The following RBBP8 variants were observed in gnomAD, a reference collection of about 807,000 sequenced individuals.
RBBP8 encodes the protein RB binding protein 8, endonuclease, also known as DNA endonuclease RBBP8.
In RBBP8, 88 loss-of-function variants were observed where a neutral mutation model predicts 108.3. The observed-to-expected ratio is 0.81, with a 90% CI of 0.68 to 0.97. RBBP8 has a LOEUF of 0.97. Ranked by LOEUF, RBBP8 falls within the 50% of genes least tolerant of loss-of-function variation. The probability of loss-of-function intolerance (pLI) is 0.00; values close to 1 mark genes in which losing one functional copy is unlikely to be tolerated. For missense variants in RBBP8, 1,023 were observed against 1,049.0 expected (o/e 0.98, Z 0.34); for synonymous variants, 332 against 348.2 (o/e 0.95, Z 0.52).
chr18:22,967,276 G>A (rs1913687424), intron 4 of RBBP8, among the ~76,000 whole-genome samples: 1 of 149,906 alleles, frequency 6.7e-6, no homozygotes, highest in Admixed American at 6.7e-5. Flanking sequence ...TGAGGCAGGA[G>A]AATGGTGTGA....
chr18:22,994,284 A>G (rs2045811689), intron 12 of RBBP8, among the ~76,000 whole-genome samples: 1 of 145,632 alleles, frequency 6.9e-6, no homozygotes, highest in Non-Finnish European at 1.5e-5. Flanking sequence ...CGGCCTCCCA[A>G]AGTGCTGGGA....
chr18:22,983,347 C>T (rs1915081039), intron 7 of RBBP8, among the ~76,000 whole-genome samples: 1 of 152,102 alleles, frequency 6.6e-6, no homozygotes, highest in African/African-American at 2.4e-5. Flanking sequence ...AGATCTTATT[C>T]TTAGATGTTG....
At position 22,956,086 on chromosome 18, in the gene RBBP8, C is replaced by T. The variant is rs148783573; in HGVS notation, c.248+6373C>T. Among the ~76,000 whole-genome samples the T allele has an allele frequency of 3.5e-3, 533 of 151,992 alleles. 1 individual carries two copies. The highest frequency in any genetic ancestry group is 0.01 in the Middle Eastern group (3 of 294). On this transcript the variant is annotated intron_variant, in intron 4 of 18. Transcript: ENST00000327155. ...ACATTGCCTATTGTATAGTCTGTTT[C>T]CTTGGAAGGTTTTTTTTTCGTTTTT...
chr18:22,964,544 T>G (rs868608453), intron 4 of RBBP8, among the ~76,000 whole-genome samples: 1 of 151,584 alleles, frequency 6.6e-6, no homozygotes. Context: ...TTATCTAAAT[T>G]TTCTCTTTAC....
rs1568009778 is a variant in RBBP8, at chr18:23,022,603, A to AAAATAAAATAAAATAAAATAAAAT, written c.2596+337_2596+360dup. ...GGCGACAGAACAAGACTCTGTCTCA[A>AAAATAAAATAAAATAAAATAAAAT]AAATAAAATAAAATAAAATAAAATA... On this transcript the variant is annotated intron_variant, in intron 18 of 18. Coordinates refer to ENST00000327155, the MANE Select transcript of RBBP8 (RefSeq NM_002894.3). Among the ~76,000 whole-genome samples the AAAATAAAATAAAATAAAATAAAAT allele has an allele frequency of 1.3e-4, 5 of 39,138 alleles. 1 individual carries two copies. The highest frequency in any genetic ancestry group is 6.2e-4 in the African/African-American group (5 of 8,042). 25.7% of individuals were successfully genotyped at this position (39,138 alleles called of 152,430 possible).
At position 22,995,233 on chromosome 18, in the gene RBBP8, A is replaced by AT. The variant is rs538550635; in HGVS notation, c.1940-1133dup. Among the ~76,000 whole-genome samples, 727 of 150,758 alleles carry AT rather than the reference A, an allele frequency of 4.8e-3. 5 individuals are homozygous for AT. The highest frequency in any genetic ancestry group is 0.017 in the African/African-American group (694 of 40,980). The stretch of plus-strand genomic sequence containing the variant: ...AACATTTTTTTCACTATCATTCATG[A>AT]TTTTTTTTGAGCTTTTTGTTTTTAT... On this transcript the variant is annotated intron_variant, in intron 12 of 18. Coordinates refer to ENST00000327155, the MANE Select transcript of RBBP8 (RefSeq NM_002894.3).
chr18:23,017,355 CAAA>C (rs770526045), intron 17 of RBBP8, among the ~76,000 whole-genome samples: 3 of 90,606 alleles, frequency 3.3e-5, no homozygotes, highest in Middle Eastern at 9.6e-3. Context: ...AACTTGGTCT[CAAA>C]AAAAAAAAAA....
At chr18:22,974,960 G>A (rs747552901) in intron 5 of RBBP8, among the ~76,000 whole-genome samples, 193 bp from the exon 6 acceptor site, 22 of 152,104 alleles carry the variant, frequency 1.4e-4, no homozygotes, top group African/African-American at 3.9e-4. Flanking sequence ...GAACTGGCAC[G>A]GTGTGAGATG....
chr18:23,006,250 C>A, intron 15 of RBBP8, 113 bp from the exon 16 acceptor site: 3 of 898,484 alleles, frequency 3.3e-6, no homozygotes, highest in South Asian at 1.4e-5. Context: ...AGGCCTGGAG[C>A]ATGAAACCCA....
upstream of RBBP8, among the ~76,000 whole-genome samples, chr18:22,928,725 A>G (rs1467486387): frequency 2.0e-5 from 3 of 150,344 alleles, no homozygotes; most frequent in African/African-American, 7.4e-5. Context: ...GCTGGAGTGC[A>G]GGGGTGTGAT....
chr18:23,018,050 C>G (rs2046291146), intron 17 of RBBP8, among the ~76,000 whole-genome samples: 1 of 150,522 alleles, frequency 6.6e-6, no homozygotes, highest in Admixed American at 6.7e-5. Context: ...TGGCCAAGTT[C>G]TTTTTTGTTT....
chr18:22,961,307 G>A (rs1913079465), intron 4 of RBBP8, among the ~76,000 whole-genome samples: 1 of 152,172 alleles, frequency 6.6e-6, no homozygotes, highest in Non-Finnish European at 1.5e-5. Context: ...GGAAGAGCTG[G>A]GGGCCCAGCT....
At chr18:22,990,016 A>C (rs528043930) in intron 9 of RBBP8, among the ~76,000 whole-genome samples, 14 of 152,298 alleles carry the variant, frequency 9.2e-5, no homozygotes, top group Middle Eastern at 6.8e-3. Flanking sequence ...AAATTGAATT[A>C]GTTTTTCATT....
rs2046033111 is a variant in RBBP8, at chr18:23,005,821, T to C, written c.2288-542T>C. On this transcript the variant is annotated intron_variant, in intron 15 of 18. Transcript: ENST00000327155. ...AAAATACTTCCTGAGATAATGACTT[T>C]TAGCTGTCTAGTAATTTTGAGTTGA... Among the ~76,000 whole-genome samples the C allele has an allele frequency of 2.6e-5, 4 of 152,222 alleles. No individual in the cohort carries two copies. In the South Asian group the frequency reaches 8.3e-4, roughly 32 times the overall value.
intron 17 of RBBP8, among the ~76,000 whole-genome samples, chr18:23,018,373 A>C (rs2046296795): frequency 6.6e-6 from 1 of 152,030 alleles, no homozygotes; most frequent in Non-Finnish European, 1.5e-5. Context: ...TTCCTAAACA[A>C]GATATAATGA....
intron 1 of RBBP8, among the ~76,000 whole-genome samples, chr18:22,935,477 G>T (rs1343182396): frequency 2.0e-5 from 3 of 151,380 alleles, no homozygotes; most frequent in Non-Finnish European, 4.4e-5. Flanking sequence ...TTAGTTTCTG[G>T]ATTATTTTTT....
rs997057498 is a variant in RBBP8, at chr18:22,981,273, A to G, written c.429-945A>G. ...GTGTGAGCCACCGCGCCCGGCCCCA[A>G]TTTATCTCTTAATAGGACTCTTGTG... On this transcript the variant is annotated intron_variant, in intron 6 of 18. Transcript: ENST00000327155. 3.9e-5 allele frequency among the ~76,000 whole-genome samples: 6 copies of G among 152,158 alleles called. No individual in the cohort carries two copies. The South Asian group carries it at 6.2e-4, about 16-fold the overall frequency.
At chr18:22,992,692 A>T in intron 10 of RBBP8, 56 bp from the exon 11 acceptor site, 1 of 1,459,040 alleles carries the variant, frequency 6.9e-7, no homozygotes, top group Admixed American at 1.7e-5. Flanking sequence ...TCTAAGAGGT[A>T]GATAAGACCT....
At chr18:22,923,017 T>C (rs913394854) in intron 3 of RBBP8, among the ~76,000 whole-genome samples, 5 of 152,180 alleles carry the variant, frequency 3.3e-5, no homozygotes, top group African/African-American at 7.2e-5. Flanking sequence ...ACAATTTGCC[T>C]AGCAATTCAA....
Sources: gnomAD v4.1 joint callset for allele counts (sites outside exome capture counted in the v4.1 genomes callset) on GRCh38, gnomAD v4.1.1 for gene constraint, MANE v1.5 for transcripts, NCBI Gene and HGNC (gene_info 2026-07-23, HGNC 2026-07-21) for gene names.